The following SOD1 variants were observed in gnomAD, a reference collection of about 807,000 sequenced individuals.
SOD1 encodes superoxide dismutase [Cu-Zn].
In SOD1, 8 loss-of-function variants were observed where a neutral mutation model predicts 15.9. The observed-to-expected ratio is 0.50, with a 90% confidence interval of 0.30 to 0.91. The LOEUF (loss-of-function observed/expected upper bound fraction) is 0.91. Among genes scored for constraint, SOD1 ranks in the 40% least tolerant of loss-of-function variants. The pLI is 0.07. For missense variants in SOD1, 137 were observed against 194.5 expected, an observed-to-expected ratio of 0.70 and a Z score of 1.76; for synonymous variants, 86 against 71.2, an observed-to-expected ratio of 1.21 and a Z score of -1.04.
intron 3 of SOD1, chr21:31,667,002 A>G (rs1362754285): frequency 3.7e-6 from 2 of 538,690 alleles, no homozygotes; most frequent in African/African-American, 1.9e-5. Context: ...TTTGTTAGCT[A>G]TGCCAGTAAT....
Position 31,666,904 on chromosome 21 carries a change from A to G in SOD1, c.240-354A>G, listed in dbSNP as rs1183685037. On this transcript the variant is annotated intron_variant, in intron 3 of 4. Coordinates refer to ENST00000270142, the MANE Select transcript of SOD1 (RefSeq NM_000454.5). ...GATACTGAAAACTAGTCGAGACTCC[A>G]TTTATATGTGTATGTTTTCTGAAAG... 3 of 404,818 alleles carry G rather than the reference A, an allele frequency of 7.4e-6. No homozygotes were observed. The East Asian group carries it at 1.5e-4, about 21-fold the overall frequency. The allele number at this position is 404,818 out of a possible 1,614,324, so 25.1% of individuals were successfully genotyped here. A position where few individuals can be genotyped will look rare whatever the true frequency, so the allele number is the denominator to read the frequency against.
intron 1 of SOD1, among the ~76,000 whole-genome samples, chr21:31,662,750 T>G (rs890937207): frequency 6.6e-6 from 1 of 152,090 alleles, no homozygotes; most frequent in Non-Finnish European, 1.5e-5. Flanking sequence ...CGTGGTGGCT[T>G]ACGCCTGTAA....
rs149838880 is a variant in SOD1 at position 31,664,180 on chromosome 21, C to T, written c.169+294C>T. The T allele has an allele frequency of 2.5e-3, 929 of 374,920 alleles. 13 individuals are homozygous for T. Among genetic ancestry groups the T allele is most frequent in the African/African-American group, 0.018 (856 of 47,578 alleles). 23.2% of individuals were successfully genotyped at this position (374,920 alleles called of 1,614,324 possible). On this transcript the variant is annotated intron_variant, in intron 2 of 4. Transcript: ENST00000270142. ...TAGAGGTGGGGTTTCATCATGTTGC[C>T]CAGGCTGGTCTTGAACTGCTGGGCT...
At chr21:31,662,717 T>A (rs774588455) in intron 1 of SOD1, among the ~76,000 whole-genome samples, 7 of 152,154 alleles carry the variant, frequency 4.6e-5, no homozygotes, top group Non-Finnish European at 1.0e-4. Flanking sequence ...GACTGCTAAT[T>A]AAAAATACCT....
rs1377399756 is a variant in SOD1, at chr21:31,659,888, T to A, written c.72+47T>A. ...TGTTTGCGAGGCCGCTCCCACCCGC[T>A]CGTCCCCCCGCGCACCTTTGCTAGG... On this transcript the variant is annotated intron_variant, in intron 1 of 4. Coordinates refer to ENST00000270142, the MANE Select transcript of SOD1 (RefSeq NM_000454.5). 1.9e-6 allele frequency: 3 copies of A among 1,581,526 alleles called. No homozygotes were observed. In the African/African-American group the frequency reaches 4.0e-5, roughly 21 times the overall value.
At chr21:31,663,689 C>G in intron 1 of SOD1, 101 bp from the exon 2 acceptor site, 2 of 925,882 alleles carry the variant, frequency 2.2e-6, no homozygotes, top group South Asian at 2.7e-5. Context: ...GATTTTTCCA[C>G]TCCCAAGTCT....
intron 1 of SOD1, 22 bp downstream of exon 1, chr21:31,659,863 T>C: frequency 1.9e-6 from 3 of 1,609,750 alleles, no homozygotes; most frequent in Non-Finnish European, 2.5e-6. Flanking sequence ...GACGGAGGCT[T>C]GTTTGCGAGG....
At chr21:31,664,099 G>A (rs879940576) in intron 2 of SOD1, among the ~76,000 whole-genome samples, 10 of 152,082 alleles carry the variant, frequency 6.6e-5, no homozygotes, top group Non-Finnish European at 1.0e-4. Context: ...GCCTTGGCCC[G>A]TAGCTGGGAC....
Position 31,663,811 on chromosome 21 carries a change from G to T in SOD1, c.94G>T (p.Val32Leu). 1 of 1,613,108 alleles carries T rather than the reference G, an allele frequency of 6.2e-7. No homozygotes were observed. Among genetic ancestry groups the T allele is most frequent in the Non-Finnish European group, 8.5e-7 (1 of 1,179,158 alleles). The change falls in exon 2 of 5, where the codon GTG becomes TTG. Residue 32 changes from valine to leucine, a missense_variant. By Grantham distance (32) the Val-to-Leu change is conservative. Coordinates refer to ENST00000270142, the MANE Select transcript of SOD1 (RefSeq NM_000454.5). ...AAAGGAAAGTAATGGACCAGTGAAGGTGTGGGGAAGCATTAAAGGACTGAC... is the reference window on the plus strand; with the variant it reads ...AAAGGAAAGTAATGGACCAGTGAAGTTGTGGGGAAGCATTAAAGGACTGAC... The part of the protein sequence containing the change: ...EQKESNGPVK[V>L]WGSIKGLTEG...
At chr21:31,664,730 T>C (rs2049578993) in intron 2 of SOD1, among the ~76,000 whole-genome samples, 1 of 152,108 alleles carries the variant, frequency 6.6e-6, no homozygotes, top group Non-Finnish European at 1.5e-5. Context: ...GCCATTCTCC[T>C]GCCTCAGCCC....
chr21:31,664,164 G>A (rs937339664), intron 2 of SOD1: 1 of 386,546 alleles, frequency 2.6e-6, no homozygotes, highest in African/African-American at 2.1e-5. Flanking sequence ...CTAGAGGTGG[G>A]GTTTCATCAT....
At chr21:31,668,351 C>G in intron 4 of SOD1, 120 bp from the exon 5 acceptor site, 1 of 735,454 alleles carries the variant, frequency 1.4e-6, no homozygotes, top group South Asian at 1.5e-5. Flanking sequence ...GTATATCTCT[C>G]TACTAGGATT....
In SOD1 at chr21:31,663,894, T is replaced by TTGTGC; in HGVS notation, c.169+16_169+20dup. 1.2e-6 allele frequency: 2 copies of TTGTGC among 1,602,016 alleles called. No individual in the cohort carries two copies. The highest frequency in any genetic ancestry group is 4.5e-5 in the East Asian group (2 of 44,806). ...TTGGAGATAATACAGCAGGTGGGTGTTGTGCTGTGCTGGTGACCCATACTT... is the reference window on the plus strand; with the variant it reads ...TTGGAGATAATACAGCAGGTGGGTGTTGTGCTGTGCTGTGCTGGTGACCCATACTT... On this transcript the variant is annotated intron_variant, in intron 2 of 4. Coordinates refer to ENST00000270142, the MANE Select transcript of SOD1 (RefSeq NM_000454.5).
rs1169198442 is a variant in SOD1, at chr21:31,659,837, A to G, written c.68A>G (p.Gln23Arg). 2 of 1,613,320 alleles carry G rather than the reference A, an allele frequency of 1.2e-6. No homozygotes were observed. Among genetic ancestry groups the G allele is most frequent in the South Asian group, 2.2e-5 (2 of 91,094 alleles). The change falls in exon 1 of 5, where the codon CAG becomes CGG. Residue 23 changes from glutamine (Q) to arginine (R), a missense_variant. Coordinates refer to ENST00000270142, the MANE Select transcript of SOD1 (RefSeq NM_000454.5). ...GTGCAGGGCATCATCAATTTCGAGC[A>G]GAAGGCAAGGGCTGGGACGGAGGCT... ...GPVQGIINFE[Q>R]KESNGPVKVW...
chr21:31,664,190 C>CT (rs2049573446), intron 2 of SOD1: 1 of 365,196 alleles, frequency 2.7e-6, no homozygotes, highest in South Asian at 2.2e-5. Flanking sequence ...CCAGGCTGGT[C>CT]TTGAACTGCT....
In SOD1 at chr21:31,668,488, T is replaced by A; in HGVS notation, c.375T>A (p.Asp125Glu). 1 of 1,613,904 alleles carries A rather than the reference T, an allele frequency of 6.2e-7. No individual in the cohort carries two copies. Among genetic ancestry groups the A allele is most frequent in the Non-Finnish European group, 8.5e-7 (1 of 1,179,810 alleles). ...GRTLVVHEKA[D>E]DLGKGGNEES... ...TTTTACAGGTCCATGAAAAAGCAGA[T>A]GACTTGGGCAAAGGTGGAAATGAAG... Residue 125 changes from aspartate (D) to glutamate (E), a missense_variant, in exon 5 of 5, where the codon GAT becomes GAA. Asp to Glu is a conservative substitution (Grantham distance 45, BLOSUM62 2). Transcript: ENST00000270142.
chr21:31,663,427 T>G (rs190497229), intron 1 of SOD1, among the ~76,000 whole-genome samples: 1 of 152,352 alleles, frequency 6.6e-6, no homozygotes, highest in Non-Finnish European at 1.5e-5. Context: ...AATAGGTACT[T>G]ACATTACCTA....
Position 31,659,714 on chromosome 21 carries a change from T to A in SOD1, c.-56T>A, listed in dbSNP as rs535066119. 43 of 1,566,802 alleles carry A rather than the reference T, an allele frequency of 2.7e-5. No individual in the cohort carries two copies. In the South Asian group the frequency reaches 4.8e-4, roughly 17 times the overall value. ...GTTTGCGTCGTAGTCTCCTGCAGCG[T>A]CTGGGGTTTCCGTTGCAGTCCTCGG... On this transcript the variant is annotated 5_prime_UTR_variant, in exon 1 of 5. Transcript: ENST00000270142.
At chr21:31,667,501 A>G (rs372360012) in intron 4 of SOD1, 126 bp downstream of exon 4, 13 of 789,462 alleles carry the variant, frequency 1.6e-5, no homozygotes, top group Non-Finnish European at 3.0e-5. Context: ...CAAATTAGGA[A>G]AAGCAATTTT....
Sources: gnomAD v4.1 joint callset for allele counts (sites outside exome capture counted in the v4.1 genomes callset) on GRCh38, gnomAD v4.1.1 for gene constraint, MANE v1.5 for transcripts, NCBI Gene and HGNC (gene_info 2026-07-23, HGNC 2026-07-21) for gene names.